BTRC: variants seen among roughly 807,000 people sequenced by gnomAD.
BTRC encodes the protein F-box/WD repeat-containing protein 1A.
A neutral mutation model predicts 85.5 loss-of-function variants in BTRC; 42 were observed. The ratio of observed to expected loss-of-function variants is 0.49; its 90% CI spans 0.38 to 0.64. The LOEUF (loss-of-function observed/expected upper bound fraction) is 0.64, where lower values mean the gene tolerates loss of function less well. BTRC is among the 30% of genes least tolerant of loss of function. The pLI, the probability that BTRC is intolerant of heterozygous loss-of-function variation, is 0.00. For synonymous variants in BTRC, 255 were observed against 263.3 expected (o/e 0.97, Z 0.30); for missense variants, 594 against 743.5 (o/e 0.80, Z 2.34).
Position 101,526,143 on chromosome 10 carries a change from C to G in BTRC, c.687C>G (p.Ile229Met). The G allele has an allele frequency of 6.2e-7, 1 of 1,614,010 alleles. No homozygotes were observed. The highest frequency in any genetic ancestry group is 8.5e-7 in the Non-Finnish European group (1 of 1,180,000). ...ATGGCATGCTGTGGAAGAAGCTTAT[C>G]GAGAGAATGGTCAGGACAGATTCTC... ...TSDGMLWKKL[I>M]ERMVRTDSLW... The change falls in exon 6 of 15, where the codon ATC becomes ATG. Residue 229 changes from isoleucine (I) to methionine (M), a missense_variant. Coordinates refer to ENST00000370187, the MANE Select transcript of BTRC (RefSeq NM_033637.4).
chr10:101,385,796 A>G (rs1390117831), intron 1 of BTRC, among the ~76,000 whole-genome samples: 1 of 150,472 alleles, frequency 6.6e-6, no homozygotes, highest in Non-Finnish European at 1.5e-5. Context: ...AATCCTATCT[A>G]TGGACCCTGG....
intron 1 of BTRC, among the ~76,000 whole-genome samples, chr10:101,385,632 T>TTTTTTTTTTTTTTG (rs1288309804): frequency 7.0e-6 from 1 of 143,874 alleles, no homozygotes. Context: ...TTTTTTTTTT[T>TTTTTTTTTTTTTTG]TGTGTGTTCT....
At chr10:101,420,568 AC>A (rs2134052121) in intron 1 of BTRC, among the ~76,000 whole-genome samples, 2 of 152,130 alleles carry the variant, frequency 1.3e-5, no homozygotes, top group Non-Finnish European at 2.9e-5. Context: ...CACTGCTGTT[AC>A]AGTTCCTACG....
intron 6 of BTRC, among the ~76,000 whole-genome samples, chr10:101,527,548 T>G (rs773983864): frequency 9.2e-5 from 14 of 151,944 alleles, no homozygotes; most frequent in Non-Finnish European, 1.8e-4. Context: ...AGCCCAGGAG[T>G]TTGATACCAG....
chr10:101,417,745 C>T (rs1260003881), intron 1 of BTRC, among the ~76,000 whole-genome samples: 3 of 152,046 alleles, frequency 2.0e-5, no homozygotes, highest in Admixed American at 1.3e-4. Context: ...AGTGCAGTGG[C>T]GTGATCCTCA....
At chr10:101,485,452 G>A (rs1040596210) in intron 4 of BTRC, among the ~76,000 whole-genome samples, 4 of 152,230 alleles carry the variant, frequency 2.6e-5, no homozygotes, top group African/African-American at 9.7e-5. Flanking sequence ...GAGCAGATCT[G>A]CAGAGAAAGG....
chr10:101,499,131 T>C (rs1946339457), intron 4 of BTRC, among the ~76,000 whole-genome samples: 1 of 152,194 alleles, frequency 6.6e-6, no homozygotes, highest in South Asian at 2.1e-4. Context: ...ATTAGTTTTG[T>C]TTACAGGGGG....
At chr10:101,374,328 T>C (rs1186722658) in intron 1 of BTRC, among the ~76,000 whole-genome samples, 1 of 152,156 alleles carries the variant, frequency 6.6e-6, no homozygotes, top group African/African-American at 2.4e-5. Context: ...GATGAGCATT[T>C]TTTCATGTGT....
intron 1 of BTRC, among the ~76,000 whole-genome samples, chr10:101,371,999 C>G (rs569183204): frequency 7.0e-4 from 106 of 152,098 alleles, no homozygotes; most frequent in African/African-American, 2.4e-3. Context: ...TTATTCAGCA[C>G]TATTTATTGA....
At position 101,521,863 on chromosome 10, in the gene BTRC, T is replaced by C. The variant is rs2062110669; in HGVS notation, c.549T>C (p.Ala183=). Residue 183 remains alanine, a synonymous_variant, in exon 5 of 15, where the codon GCT becomes GCC. Transcript: ENST00000370187. ...TGTTGCAGAGAGATTTCATAACTGC[T>C]CTGCCAGGTATGTCTACAAGTGTTT... The part of the protein sequence containing the change: ...KPMLQRDFIT[A]LPARGLDHIA... 3.1e-6 allele frequency: 5 copies of C among 1,606,410 alleles called. No individual in the cohort carries two copies. The highest frequency in any genetic ancestry group is 3.4e-6 in the Non-Finnish European group (4 of 1,173,138).
intron 5 of BTRC, among the ~76,000 whole-genome samples, chr10:101,522,352 T>TAAAAAAAAAAAAAAAAAAAAA (rs34282047): frequency 2.4e-5 from 1 of 42,060 alleles, no homozygotes; most frequent in Non-Finnish European, 5.1e-5. Flanking sequence ...TATAAAGCTT[T>TAAAAAAAAAAAAAAAAAAAAA]AAAAAAAAAA....
intron 4 of BTRC, among the ~76,000 whole-genome samples, chr10:101,498,013 C>T (rs935382547): frequency 2.0e-5 from 3 of 151,988 alleles, no homozygotes; most frequent in Non-Finnish European, 4.4e-5. Flanking sequence ...AGCGAGACTC[C>T]GTCTCTTAAT....
At chr10:101,530,441 T>A (rs555308553) in intron 6 of BTRC, among the ~76,000 whole-genome samples, 10 of 151,190 alleles carry the variant, frequency 6.6e-5, no homozygotes, top group Non-Finnish European at 1.5e-4. Context: ...GTGATCTCCA[T>A]GCCAGAGGCA....
chr10:101,438,126 T>G (rs1944579568), intron 2 of BTRC, among the ~76,000 whole-genome samples: 1 of 152,140 alleles, frequency 6.6e-6, no homozygotes, highest in Non-Finnish European at 1.5e-5. Context: ...TAGATGGTCA[T>G]ATACAGAAGG....
Position 101,477,301 on chromosome 10 carries a change from G to A in BTRC, c.235-2067G>A, listed in dbSNP as rs181691312. Among the ~76,000 whole-genome samples, 64 of 150,798 alleles carry A rather than the reference G, an allele frequency of 4.2e-4. 2 individuals carry two copies. The highest frequency in any genetic ancestry group is 1.1e-3 in the African/African-American group (47 of 41,032). ...CAGGTGTTAGCCACCAGGCCCCACCGTGATCTGTGTTTTAACAAGCCCTCC... is the reference window on the plus strand; with the variant it reads ...CAGGTGTTAGCCACCAGGCCCCACCATGATCTGTGTTTTAACAAGCCCTCC... On this transcript the variant is annotated intron_variant, in intron 3 of 14. Transcript: ENST00000370187.
At chr10:101,541,970 T>C (rs1202888554) in intron 13 of BTRC, among the ~76,000 whole-genome samples, 3 of 152,206 alleles carry the variant, frequency 2.0e-5, no homozygotes, top group Admixed American at 6.5e-5. Flanking sequence ...CCCTCATCTA[T>C]TTTCTAAGAG....
At chr10:101,377,816 A>G (rs993168448) in intron 1 of BTRC, among the ~76,000 whole-genome samples, 2 of 152,110 alleles carry the variant, frequency 1.3e-5, no homozygotes, top group Non-Finnish European at 2.9e-5. Flanking sequence ...TCTGAAGCCT[A>G]TCTACAAAGT....
intron 1 of BTRC, among the ~76,000 whole-genome samples, chr10:101,362,756 G>A (rs192175855): frequency 6.6e-6 from 1 of 152,218 alleles, no homozygotes; most frequent in African/African-American, 2.4e-5. Flanking sequence ...GCTAACAGCT[G>A]GTCCCTCATA....
intron 11 of BTRC, among the ~76,000 whole-genome samples, chr10:101,535,834 T>C (rs1006595265): frequency 3.3e-5 from 5 of 152,230 alleles, no homozygotes; most frequent in East Asian, 1.9e-4. Context: ...TTTGAAATTA[T>C]GAAGATTTCA....
Sources: gnomAD v4.1 joint callset for allele counts (sites outside exome capture counted in the v4.1 genomes callset) on GRCh38, gnomAD v4.1.1 for gene constraint, MANE v1.5 for transcripts, NCBI Gene and HGNC (gene_info 2026-07-23, HGNC 2026-07-21) for gene names.